The following MARCHF1 variants were observed in gnomAD, a reference collection of about 807,000 sequenced individuals.
MARCHF1 encodes membrane associated ring-CH-type finger 1, also known as E3 ubiquitin-protein ligase MARCHF1.
In MARCHF1, 40 loss-of-function variants were observed where a neutral mutation model predicts 54.2. That is an observed-to-expected ratio of 0.74 (90% CI 0.57 to 0.96). The LOEUF is 0.96. Among genes scored for constraint, MARCHF1 ranks in the 40% least tolerant of loss-of-function variants. The pLI is 0.00. For synonymous variants in MARCHF1, 236 were observed against 236.3 expected (o/e 1.00, Z 0.01); for missense variants, 586 against 656.5 (o/e 0.89, Z 1.17).
intron 4 of MARCHF1, among the ~76,000 whole-genome samples, chr4:163,814,371 G>A (rs760877853): frequency 1.8e-4 from 28 of 152,052 alleles, no homozygotes; most frequent in Non-Finnish European, 4.1e-4. Context: ...ATGACCTGGT[G>A]TTGGGTCTGA....
chr4:164,032,356 T>C (rs532888198), intron 2 of MARCHF1, among the ~76,000 whole-genome samples: 1 of 152,328 alleles, frequency 6.6e-6, no homozygotes, highest in East Asian at 1.9e-4. Context: ...TGATCTTAGT[T>C]ATTTCTTGTC....
chr4:164,135,169 G>A (rs1048035085), intron 1 of MARCHF1, among the ~76,000 whole-genome samples: 4 of 152,066 alleles, frequency 2.6e-5, no homozygotes, highest in Non-Finnish European at 5.9e-5. Context: ...GACACACTAC[G>A]GTTCAGTTAA....
chr4:163,616,605 C>T (rs1741518114), intron 5 of MARCHF1, among the ~76,000 whole-genome samples: 1 of 151,958 alleles, frequency 6.6e-6, no homozygotes, highest in Non-Finnish European at 1.5e-5. Context: ...AGCAAATGGG[C>T]ATGGCGGTGC....
intron 3 of MARCHF1, among the ~76,000 whole-genome samples, chr4:163,925,617 T>C (rs1408527814): frequency 6.6e-6 from 1 of 151,734 alleles, no homozygotes; most frequent in Non-Finnish European, 1.5e-5. Context: ...AGAAACTTAA[T>C]GTAAACTAAG....
At chr4:164,087,108 G>A (rs1180109969) in intron 2 of MARCHF1, among the ~76,000 whole-genome samples, 1 of 152,058 alleles carries the variant, frequency 6.6e-6, no homozygotes, top group African/African-American at 2.4e-5. Context: ...TTGCCTCAGA[G>A]ATGAAGCACA....
intron 1 of MARCHF1, among the ~76,000 whole-genome samples, chr4:164,159,669 C>A (rs752701519): frequency 2.0e-5 from 3 of 151,960 alleles, no homozygotes; most frequent in African/African-American, 4.8e-5. Context: ...TAAATTTGTG[C>A]AGAAACGTTT....
chr4:163,574,374 C>T (rs1739962263), intron 8 of MARCHF1, among the ~76,000 whole-genome samples: 1 of 151,970 alleles, frequency 6.6e-6, no homozygotes, highest in Admixed American at 6.5e-5. Flanking sequence ...GTGTTTTAGA[C>T]ATGAAGTCCT....
chr4:163,585,917 G>A lies in MARCHF1; in HGVS notation c.1023C>T (p.Cys341=), dbSNP rs776363990. 23 of 1,605,250 alleles carry A rather than the reference G, an allele frequency of 1.4e-5. No homozygotes were observed. The East Asian group carries it at 1.6e-4, about 11-fold the overall frequency. ...TGAGGGGGCTCTCTTCATCCCCTTC[G>A]CAGTGACAGATTCTGCAGAAAGACA... The part of the protein sequence containing the change: ...DNLEVCRICH[C]EGDEESPLIT... The change falls in exon 8 of 10, where the codon TGC becomes TGT. Residue 341 remains cysteine, a synonymous_variant. Coordinates refer to ENST00000514618, the MANE Select transcript of MARCHF1 (RefSeq NM_001394959.1).
chr4:163,895,889 G>A (rs1413336687), intron 3 of MARCHF1, among the ~76,000 whole-genome samples: 1 of 152,050 alleles, frequency 6.6e-6, no homozygotes, highest in African/African-American at 2.4e-5. Flanking sequence ...CAGTCATGCA[G>A]TAAGCATGAC....
intron 1 of MARCHF1, among the ~76,000 whole-genome samples, chr4:164,141,184 C>A (rs1426574478): frequency 6.6e-6 from 1 of 152,178 alleles, no homozygotes; most frequent in Non-Finnish European, 1.5e-5. Flanking sequence ...ATTTCCTTAT[C>A]CTTCCTTTGT....
intron 4 of MARCHF1, among the ~76,000 whole-genome samples, chr4:163,807,995 C>A (rs895665330): frequency 3.9e-5 from 6 of 152,172 alleles, no homozygotes; most frequent in African/African-American, 9.7e-5. Flanking sequence ...AATCACAGTA[C>A]AAATCAGGCT....
At chr4:164,046,179 T>A (rs1251816609) in intron 2 of MARCHF1, among the ~76,000 whole-genome samples, 1 of 152,238 alleles carries the variant, frequency 6.6e-6, no homozygotes, top group Non-Finnish European at 1.5e-5. Flanking sequence ...ATCAAATGTT[T>A]GGTAATGGGC....
chr4:163,687,385 G>A (rs1007082176), intron 5 of MARCHF1, among the ~76,000 whole-genome samples: 3 of 151,952 alleles, frequency 2.0e-5, no homozygotes, highest in African/African-American at 4.8e-5. Flanking sequence ...CCGCCACCAC[G>A]CCTGGCTAAT....
At chr4:164,172,854 G>A (rs1212146319) in intron 1 of MARCHF1, among the ~76,000 whole-genome samples, 1 of 151,964 alleles carries the variant, frequency 6.6e-6, no homozygotes, top group African/African-American at 2.4e-5. Flanking sequence ...GGTGGCGGGG[G>A]CCTGTAGTCC....
At chr4:164,194,589 A>T (rs1272293204) in intron 1 of MARCHF1, among the ~76,000 whole-genome samples, 1 of 152,148 alleles carries the variant, frequency 6.6e-6, no homozygotes, top group Admixed American at 6.5e-5. Context: ...TCTTGATTGT[A>T]TGCTGTCATC....
intron 3 of MARCHF1, among the ~76,000 whole-genome samples, chr4:163,977,486 T>C (rs1752671723): frequency 6.6e-6 from 1 of 152,202 alleles, no homozygotes; most frequent in Non-Finnish European, 1.5e-5. Flanking sequence ...TAATATTTTG[T>C]TATCCTAATT....
chr4:163,835,569 C>T (rs1212675673), intron 4 of MARCHF1, among the ~76,000 whole-genome samples: 1 of 152,184 alleles, frequency 6.6e-6, no homozygotes. Flanking sequence ...GTTTCTGTAC[C>T]TCACTTTCAT....
At chr4:163,768,283 C>T (rs1337915047) in intron 4 of MARCHF1, among the ~76,000 whole-genome samples, 1 of 152,108 alleles carries the variant, frequency 6.6e-6, no homozygotes, top group African/African-American at 2.4e-5. Context: ...GACACATATT[C>T]TCAGATTAAA....
intron 1 of MARCHF1, among the ~76,000 whole-genome samples, chr4:164,156,652 G>A (rs1399041614): frequency 6.6e-6 from 1 of 152,064 alleles, no homozygotes; most frequent in East Asian, 1.9e-4. Flanking sequence ...AAACTCCTGA[G>A]CTCAAGCAAT....
Sources: gnomAD v4.1 joint callset for allele counts (sites outside exome capture counted in the v4.1 genomes callset) on GRCh38, gnomAD v4.1.1 for gene constraint, MANE v1.5 for transcripts, NCBI Gene and HGNC (gene_info 2026-07-23, HGNC 2026-07-21) for gene names.